The following COX10 variants were observed in gnomAD, a reference collection of about 807,000 sequenced individuals.
COX10 encodes protoheme IX farnesyltransferase, mitochondrial.
Under a neutral mutation model 37.3 loss-of-function variants are expected in COX10, and 27 were observed. The observed-to-expected ratio is 0.72, with a 90% CI of 0.53 to 1.00. The LOEUF is 1.00. Ranked by LOEUF, COX10 falls within the 50% of genes least tolerant of loss-of-function variation. COX10 has a pLI of 0.00. For synonymous variants in COX10, 222 were observed against 229.1 expected, an observed-to-expected ratio of 0.97 and a Z score of 0.28; for missense variants, 475 against 563.2, an observed-to-expected ratio of 0.84 and a Z score of 1.59.
At chr17:14,112,996 A>G (rs183183955) in intron 4 of COX10, among the ~76,000 whole-genome samples, 191 of 152,240 alleles carry the variant, frequency 1.3e-3, no homozygotes, top group Admixed American at 0.011. Flanking sequence ...AACATAATTA[A>G]TGGCTTTCTG....
intron 6 of COX10, among the ~76,000 whole-genome samples, chr17:14,199,054 T>G (rs1447484701): frequency 6.6e-6 from 1 of 151,764 alleles, no homozygotes; most frequent in Non-Finnish European, 1.5e-5. Flanking sequence ...TAGAACACTA[T>G]ATTCTCTTGA....
At chr17:14,111,450 T>A (rs1386268596) in intron 4 of COX10, among the ~76,000 whole-genome samples, 1 of 152,132 alleles carries the variant, frequency 6.6e-6, no homozygotes, top group Non-Finnish European at 1.5e-5. Context: ...TTATGTATAC[T>A]TGTAATCTAG....
intron 4 of COX10, among the ~76,000 whole-genome samples, chr17:14,153,035 A>G (rs1463873585): frequency 1.3e-5 from 2 of 152,090 alleles, no homozygotes; most frequent in Non-Finnish European, 2.9e-5. Flanking sequence ...TCCACATCTC[A>G]CGTAAGCTTC....
intron 4 of COX10, among the ~76,000 whole-genome samples, chr17:14,126,562 A>G (rs1916346052): frequency 6.6e-6 from 1 of 152,172 alleles, no homozygotes; most frequent in African/African-American, 2.4e-5. Flanking sequence ...TTTTATGCAT[A>G]TACATTTTTT....
chr17:14,176,574 A>G (rs565575290), intron 5 of COX10, among the ~76,000 whole-genome samples: 1 of 152,178 alleles, frequency 6.6e-6, no homozygotes, highest in African/African-American at 2.4e-5. Flanking sequence ...AGTGATTCTC[A>G]AACTCTAGTG....
chr17:14,077,228 T>G, intron 3 of COX10, 172 bp downstream of exon 3: 2 of 639,684 alleles, frequency 3.1e-6, no homozygotes, highest in Non-Finnish European at 5.3e-6. Context: ...TGAATTCTAT[T>G]TACACAGAAT....
chr17:14,197,842 C>T (rs137871981), intron 6 of COX10, among the ~76,000 whole-genome samples: 2,298 of 152,304 alleles, frequency 0.015, 25 homozygotes, highest in African/African-American at 0.03. Flanking sequence ...GGCCCAGCTG[C>T]TTCTGTGCAC....
chr17:14,147,428 T>C (rs998348329), intron 4 of COX10, among the ~76,000 whole-genome samples: 2 of 152,170 alleles, frequency 1.3e-5, no homozygotes, highest in African/African-American at 4.8e-5. Context: ...TTCTCACTTA[T>C]GTATAGGATC....
At chr17:14,186,902 A>C (rs1906045780) in intron 5 of COX10, among the ~76,000 whole-genome samples, 1 of 152,036 alleles carries the variant, frequency 6.6e-6, no homozygotes, top group African/African-American at 2.4e-5. Flanking sequence ...TCCTGTTTCC[A>C]AGTTATTTTA....
intron 5 of COX10, among the ~76,000 whole-genome samples, chr17:14,176,577 C>T (rs1280148392): frequency 6.6e-6 from 1 of 152,136 alleles, no homozygotes; most frequent in Non-Finnish European, 1.5e-5. Context: ...GATTCTCAAA[C>T]TCTAGTGAAC....
intron 4 of COX10, among the ~76,000 whole-genome samples, chr17:14,143,895 T>C (rs12452978): frequency 0.24 from 36,388 of 152,010 alleles, 5,143 homozygotes; most frequent in Admixed American, 0.31. Flanking sequence ...CCAACAGGTG[T>C]CAGGAGTGCT....
chr17:14,163,324 G>A (rs1271049607), intron 5 of COX10, among the ~76,000 whole-genome samples: 1 of 151,876 alleles, frequency 6.6e-6, no homozygotes, highest in African/African-American at 2.4e-5. Flanking sequence ...GCGTGATCTT[G>A]GCTCACTGCA....
chr17:14,170,224 G>A (rs184076079), intron 5 of COX10, among the ~76,000 whole-genome samples: 123 of 152,210 alleles, frequency 8.1e-4, no homozygotes, highest in African/African-American at 2.6e-3. Flanking sequence ...GAGTAAACCC[G>A]TTTTACAAGT....
At chr17:14,120,016 A>G (rs1045647571) in intron 4 of COX10, among the ~76,000 whole-genome samples, 2 of 152,188 alleles carry the variant, frequency 1.3e-5, no homozygotes, top group Non-Finnish European at 2.9e-5. Context: ...GGATAAATTT[A>G]AAAGATATTT....
rs539214542 is a variant in COX10, at chr17:14,135,026, A to T, written c.625-24851A>T. ...TTTATTCTGAATAAAAGACAACAGT[A>T]TATAACGATGCATATAAAAATTATC... On this transcript the variant is annotated intron_variant, in intron 4 of 6. Transcript: ENST00000261643. Among the ~76,000 whole-genome samples, 13 of 151,886 alleles carry T rather than the reference A, an allele frequency of 8.6e-5. 1 individual carries two copies. The highest frequency in any genetic ancestry group is 1.5e-4 in the Non-Finnish European group (10 of 67,814).
At chr17:14,130,546 T>G (rs1237640875) in intron 4 of COX10, among the ~76,000 whole-genome samples, 1 of 152,048 alleles carries the variant, frequency 6.6e-6, no homozygotes, top group African/African-American at 2.4e-5. Context: ...TAAACTCAGC[T>G]CTTTCATATG....
chr17:14,141,238 TA>T (rs1472034915), intron 4 of COX10, among the ~76,000 whole-genome samples: 1 of 152,060 alleles, frequency 6.6e-6, no homozygotes, highest in African/African-American at 2.4e-5. Context: ...ATTATACCTA[TA>T]AAGACTACCT....
At chr17:14,206,687 A>T in intron 6 of COX10, 123 bp from the exon 7 acceptor site, 2 of 1,257,694 alleles carry the variant, frequency 1.6e-6, no homozygotes, top group Non-Finnish European at 2.3e-6. Context: ...GGCAGCGATG[A>T]GAGCACAGGG....
intron 3 of COX10, among the ~76,000 whole-genome samples, chr17:14,078,333 A>T (rs941241673): frequency 6.6e-6 from 1 of 152,198 alleles, no homozygotes; most frequent in African/African-American, 2.4e-5. Context: ...TAGGCATCAG[A>T]TGTGGCCTCT....
Sources: allele counts gnomAD v4.1 joint callset (sites outside exome capture counted in the v4.1 genomes callset), GRCh38; gene constraint gnomAD v4.1.1; transcripts MANE v1.5; gene names NCBI Gene and HGNC (gene_info 2026-07-23, HGNC 2026-07-21).